Variants in RGS6 observed in about 807,000 individuals in gnomAD.
RGS6 encodes the protein regulator of G-protein signaling 6.
RGS6 carries 30 observed loss-of-function variants against 78.5 expected under a neutral mutation model. That is an observed-to-expected ratio of 0.38 (90% CI 0.29 to 0.52). RGS6 has a LOEUF of 0.52. Ranked by LOEUF, RGS6 falls within the 20% of genes least tolerant of loss-of-function variation. RGS6 has a pLI of 0.85. For missense variants in RGS6, 495 were observed against 609.7 expected (o/e 0.81, Z 1.98); for synonymous variants, 206 against 206.0 (o/e 1.00, Z 0.00).
intron 2 of RGS6, among the ~76,000 whole-genome samples, chr14:72,152,262 GTGTGT>G (rs2096704925): frequency 6.6e-6 from 1 of 152,026 alleles, no homozygotes; most frequent in Non-Finnish European, 1.5e-5. Context: ...GTGTGTGTGT[GTGTGT>G]GTGTGTGCGC....
chr14:72,068,198 A>G (rs1473216048), intron 2 of RGS6, among the ~76,000 whole-genome samples: 5 of 151,092 alleles, frequency 3.3e-5, no homozygotes, highest in Admixed American at 1.3e-4. Flanking sequence ...CAGTGGTACA[A>G]TCTTGACTCA....
chr14:72,478,754 G>A (rs1231556393), intron 12 of RGS6, among the ~76,000 whole-genome samples: 1 of 152,140 alleles, frequency 6.6e-6, no homozygotes, highest in African/African-American at 2.4e-5. Context: ...CTGGATCATC[G>A]GGAAGTGTTC....
intron 2 of RGS6, among the ~76,000 whole-genome samples, chr14:72,273,174 G>A (rs762394910): frequency 1.3e-4 from 19 of 151,936 alleles, no homozygotes; most frequent in South Asian, 2.1e-4. Flanking sequence ...GGAGATGTAC[G>A]GGTTCACATA....
intron 2 of RGS6, among the ~76,000 whole-genome samples, chr14:72,348,984 G>A (rs1288923258): frequency 6.6e-6 from 1 of 152,040 alleles, no homozygotes; most frequent in Non-Finnish European, 1.5e-5. Flanking sequence ...GGCTAACATG[G>A]TGAAACCCTG....
chr14:71,938,819 C>A (rs1594916629), intron 1 of RGS6, among the ~76,000 whole-genome samples: 1 of 152,250 alleles, frequency 6.6e-6, no homozygotes, highest in Middle Eastern at 3.4e-3. Flanking sequence ...GTTCAGTTTC[C>A]ACCAAAGCCC....
chr14:72,578,699 T>C, the RGS6 span, among the ~76,000 whole-genome samples: 1 of 152,240 alleles, frequency 6.6e-6, no homozygotes, highest in Admixed American at 6.5e-5. Flanking sequence ...CAGCGGGGTA[T>C]GGCTTCCTAG....
intron 3 of RGS6, among the ~76,000 whole-genome samples, chr14:72,411,432 G>C (rs2093405016): frequency 6.6e-6 from 1 of 152,188 alleles, no homozygotes; most frequent in South Asian, 2.1e-4. Context: ...CTGAGACTTT[G>C]CTGAAGTTGC....
intron 2 of RGS6, among the ~76,000 whole-genome samples, chr14:72,280,193 T>C (rs1000452044): frequency 2.0e-5 from 3 of 151,490 alleles, no homozygotes; most frequent in Admixed American, 1.3e-4. Flanking sequence ...TTTTTTTTTA[T>C]GGGAGCTGAG....
chr14:72,161,913 C>T (rs1048568688), intron 2 of RGS6, among the ~76,000 whole-genome samples: 7 of 152,342 alleles, frequency 4.6e-5, no homozygotes, highest in African/African-American at 9.6e-5. Context: ...GGGAAACCCA[C>T]GGGAAGAGGA....
chr14:72,343,025 T>C (rs922867017), intron 2 of RGS6, among the ~76,000 whole-genome samples: 1 of 152,200 alleles, frequency 6.6e-6, no homozygotes, highest in Non-Finnish European at 1.5e-5. Flanking sequence ...CTAATCTGTT[T>C]TGGAGACAAT....
the RGS6 span, among the ~76,000 whole-genome samples, chr14:71,899,951 A>G: frequency 4.8e-4 from 73 of 152,314 alleles, no homozygotes; most frequent in African/African-American, 1.6e-3. Context: ...CTCCTCTCTT[A>G]TATCTCAGAG....
At chr14:72,550,558 C>A in intron 17 of RGS6, 1 of 1,535,622 alleles carries the variant, frequency 6.5e-7, no homozygotes, top group Non-Finnish European at 8.7e-7. Context: ...CTTAACCCAA[C>A]CTTGTAATCT....
chr14:71,907,807 C>T, the RGS6 span, among the ~76,000 whole-genome samples: 2 of 152,056 alleles, frequency 1.3e-5, no homozygotes, highest in Non-Finnish European at 1.5e-5. Flanking sequence ...GTGAAATCAA[C>T]AGGGATTGAT....
intron 2 of RGS6, among the ~76,000 whole-genome samples, chr14:72,293,669 G>C (rs1223285445): frequency 1.3e-5 from 2 of 152,120 alleles, no homozygotes; most frequent in Non-Finnish European, 2.9e-5. Flanking sequence ...CACCCTTTCA[G>C]CTCCAATAGT....
At chr14:72,106,249 A>G (rs2095629882) in intron 2 of RGS6, among the ~76,000 whole-genome samples, 1 of 152,206 alleles carries the variant, frequency 6.6e-6, no homozygotes, top group African/African-American at 2.4e-5. Context: ...ACAGACTCAA[A>G]CTACACAAAA....
Position 72,022,756 on chromosome 14 carries a change from A to T in RGS6, c.84+57881A>T, listed in dbSNP as rs1203584490. On this transcript the variant is annotated intron_variant, in intron 2 of 17. Transcript: ENST00000553525. ...TTTCATGCTTCCTATTATCAGTGGGATAAAAGTCCAAATGTTCTGGAATAA... is the reference window on the plus strand; with the variant it reads ...TTTCATGCTTCCTATTATCAGTGGGTTAAAAGTCCAAATGTTCTGGAATAA... 2.6e-5 allele frequency among the ~76,000 whole-genome samples: 4 copies of T among 152,316 alleles called. No individual in the cohort carries two copies. The East Asian group carries it at 5.8e-4, about 22-fold the overall frequency.
chr14:71,933,044 A>C (rs2088099933), intron 1 of RGS6, 103 bp downstream of exon 1: 1 of 152,370 alleles, frequency 6.6e-6, no homozygotes, highest in Non-Finnish European at 1.5e-5. Context: ...TGTTGATTTC[A>C]TCTCCTGGGT....
chr14:72,427,461 C>T (rs77072182), intron 3 of RGS6, among the ~76,000 whole-genome samples: 1,592 of 152,222 alleles, frequency 0.01, 13 homozygotes, highest in Non-Finnish European at 0.016. Context: ...ATTAGCCTAC[C>T]CTAACTGATG....
the RGS6 span, among the ~76,000 whole-genome samples, chr14:71,926,509 A>G: frequency 1.3e-5 from 2 of 148,290 alleles, no homozygotes; most frequent in Admixed American, 1.4e-4. Flanking sequence ...GCTTGAACCC[A>G]GGAGGCGGAG....
Sources: gnomAD v4.1 joint callset for allele counts (sites outside exome capture counted in the v4.1 genomes callset) on GRCh38, gnomAD v4.1.1 for gene constraint, MANE v1.5 for transcripts, NCBI Gene and HGNC (gene_info 2026-07-23, HGNC 2026-07-21) for gene names.